Variants in SLC13A3 observed in about 807,000 individuals in gnomAD.
SLC13A3 encodes the protein solute carrier family 13 member 3.
A neutral mutation model predicts 59.0 loss-of-function variants in SLC13A3; 40 were observed. The ratio of observed to expected loss-of-function variants is 0.68; its 90% CI spans 0.53 to 0.88. The LOEUF (loss-of-function observed/expected upper bound fraction) is 0.88, where lower values mean the gene tolerates loss of function less well. SLC13A3 is among the 40% of genes least tolerant of loss of function. The pLI is 0.00. For missense variants in SLC13A3, 699 were observed against 783.2 expected, an observed-to-expected ratio of 0.89 and a Z score of 1.28; for synonymous variants, 317 against 330.3, an observed-to-expected ratio of 0.96 and a Z score of 0.44.
chr20:46,563,382 C>T, intron 12 of SLC13A3, 32 bp downstream of exon 12: 3 of 1,603,316 alleles, frequency 1.9e-6, no homozygotes, highest in African/African-American at 1.3e-5. Flanking sequence ...ACCCACATCC[C>T]GGGGCCTCTG....
At chr20:46,666,471 CTTT>C (rs1220346742) in intron 1 of SLC13A3, among the ~76,000 whole-genome samples, 2 of 133,262 alleles carry the variant, frequency 1.5e-5, no homozygotes, top group African/African-American at 3.0e-5. Context: ...GGTTTTGTTG[CTTT>C]GTTGTTGTTG....
intron 1 of SLC13A3, among the ~76,000 whole-genome samples, chr20:46,629,288 C>G (rs942558714): frequency 3.4e-4 from 51 of 152,042 alleles, no homozygotes; most frequent in African/African-American, 1.2e-3. Flanking sequence ...TTTCTCCCAC[C>G]CCTTATAGCT....
At position 46,558,402 on chromosome 20, in the gene SLC13A3, A is replaced by T. The variant is rs1216983565; in HGVS notation, c.*1620T>A. On this transcript the variant is annotated 3_prime_UTR_variant, in exon 13 of 13. Coordinates refer to ENST00000279027, the MANE Select transcript of SLC13A3 (RefSeq NM_022829.6). ...CTTTGAAGCTCTCTTATGTTCAGAA[A>T]GGCAAATCATCTCCAGGTCCAAAGT... 1 of 152,252 alleles carries T rather than the reference A, an allele frequency of 6.6e-6. No homozygotes were observed. Among genetic ancestry groups the T allele is most frequent in the African/African-American group, 2.4e-5 (1 of 41,466 alleles). 9.4% of individuals were successfully genotyped at this position (152,252 alleles called of 1,614,324 possible). A position where few individuals can be genotyped will look rare whatever the true frequency, so the allele number is the denominator to read the frequency against.
intron 5 of SLC13A3, 59 bp from the exon 6 acceptor site, chr20:46,592,588 G>A (rs1339078738): frequency 6.3e-6 from 10 of 1,591,746 alleles, no homozygotes; most frequent in African/African-American, 2.7e-5. Flanking sequence ...TTTGGGAGTG[G>A]GAGAGGGGAC....
At chr20:46,664,698 G>A (rs1043155268) in intron 1 of SLC13A3, among the ~76,000 whole-genome samples, 3 of 152,220 alleles carry the variant, frequency 2.0e-5, no homozygotes, top group African/African-American at 7.2e-5. Context: ...GGGAAGTTGA[G>A]AGTGGTGCTT....
chr20:46,590,552 T>C (rs1011081469), intron 6 of SLC13A3, among the ~76,000 whole-genome samples: 3 of 152,218 alleles, frequency 2.0e-5, no homozygotes, highest in African/African-American at 7.2e-5. Flanking sequence ...AAAATACCTA[T>C]GAACAAACTT....
chr20:46,635,156 G>C (rs2062783477), intron 1 of SLC13A3, among the ~76,000 whole-genome samples: 2 of 152,148 alleles, frequency 1.3e-5, no homozygotes, highest in South Asian at 4.1e-4. Flanking sequence ...CACTTGCCAT[G>C]CTCCCACCCT....
intron 1 of SLC13A3, among the ~76,000 whole-genome samples, chr20:46,620,585 A>G (rs1456068699): frequency 6.6e-6 from 1 of 152,224 alleles, no homozygotes; most frequent in African/African-American, 2.4e-5. Flanking sequence ...AAGAAATTCT[A>G]GTTTACAAAT....
chr20:46,661,970 G>T (rs1334979390), intron 1 of SLC13A3, among the ~76,000 whole-genome samples: 3 of 152,152 alleles, frequency 2.0e-5, no homozygotes, highest in Non-Finnish European at 4.4e-5. Context: ...CCCATGGTAA[G>T]ACTTGGTGGG....
At chr20:46,669,241 G>A (rs563668424) in intron 1 of SLC13A3, among the ~76,000 whole-genome samples, 96 of 152,170 alleles carry the variant, frequency 6.3e-4, no homozygotes, top group Non-Finnish European at 9.1e-4. Context: ...ACACACTTCA[G>A]CTAAAGGAGA....
upstream of SLC13A3, among the ~76,000 whole-genome samples, chr20:46,656,257 TTATA>T (rs1040588822): frequency 2.9e-5 from 4 of 138,240 alleles, no homozygotes; most frequent in African/African-American, 5.6e-5. Context: ...TACTGTATAC[TTATA>T]TAGACTGTAC....
intron 1 of SLC13A3, among the ~76,000 whole-genome samples, chr20:46,683,560 A>T (rs1422613558): frequency 6.6e-6 from 1 of 152,176 alleles, no homozygotes; most frequent in Non-Finnish European, 1.5e-5. Context: ...TAGATCAGAC[A>T]GCACCTCCTC....
chr20:46,583,387 C>G, intron 9 of SLC13A3, 185 bp downstream of exon 9: 2 of 1,384,212 alleles, frequency 1.4e-6, no homozygotes, highest in Non-Finnish European at 1.9e-6. Context: ...AGTTGCTAAC[C>G]CCTGTCCTGG....
At chr20:46,633,185 G>C (rs1483057000) in intron 1 of SLC13A3, among the ~76,000 whole-genome samples, 2 of 152,120 alleles carry the variant, frequency 1.3e-5, no homozygotes, top group African/African-American at 2.4e-5. Flanking sequence ...CAAAGGGAAA[G>C]AAATTTGGAG....
At chr20:46,647,059 C>T (rs536386417) in intron 1 of SLC13A3, among the ~76,000 whole-genome samples, 25 of 152,294 alleles carry the variant, frequency 1.6e-4, no homozygotes, top group African/African-American at 5.8e-4. Flanking sequence ...TGTTGGCCAC[C>T]GTGACACCTT....
At chr20:46,589,072 C>G (rs2062225219) in intron 7 of SLC13A3, 88 bp downstream of exon 7, 1 of 1,140,000 alleles carries the variant, frequency 8.8e-7, no homozygotes, top group Admixed American at 2.1e-5. Flanking sequence ...TGGAGCTCAG[C>G]CCCCATGGGC....
At chr20:46,614,315 C>T (rs1158207826) in intron 1 of SLC13A3, among the ~76,000 whole-genome samples, 2 of 152,194 alleles carry the variant, frequency 1.3e-5, no homozygotes, top group East Asian at 3.9e-4. Flanking sequence ...CAACTGGAGG[C>T]AAGGAAGTTG....
intron 5 of SLC13A3, among the ~76,000 whole-genome samples, chr20:46,594,361 T>C (rs997001079): frequency 6.6e-6 from 1 of 152,158 alleles, no homozygotes; most frequent in Non-Finnish European, 1.5e-5. Flanking sequence ...AACAAAGTCC[T>C]ACTCACATCA....
At chr20:46,640,798 C>G (rs1338911292) in intron 1 of SLC13A3, among the ~76,000 whole-genome samples, 2 of 152,204 alleles carry the variant, frequency 1.3e-5, no homozygotes, top group East Asian at 3.9e-4. Flanking sequence ...AGGGTGCTGA[C>G]TTCGTGTCTT....
Sources: gnomAD v4.1 joint callset for allele counts (sites outside exome capture counted in the v4.1 genomes callset) on GRCh38, gnomAD v4.1.1 for gene constraint, MANE v1.5 for transcripts, NCBI Gene and HGNC (gene_info 2026-07-23, HGNC 2026-07-21) for gene names.